Variants in NOL4 observed in about 807,000 individuals in gnomAD.
NOL4 encodes the protein nucleolar protein 4, also known as cancer/testis antigen 125.
Under a neutral mutation model 75.9 loss-of-function variants are expected in NOL4, and 17 were observed. The observed-to-expected ratio is 0.22, with a 90% CI of 0.15 to 0.34. The LOEUF (loss-of-function observed/expected upper bound fraction) is 0.34. Among genes scored for constraint, NOL4 ranks in the 10% least tolerant of loss-of-function variants. The probability of loss-of-function intolerance (pLI) is 1.00; values close to 1 mark genes in which losing one functional copy is unlikely to be tolerated. For missense variants in NOL4, 614 were observed against 793.5 expected (o/e 0.77, Z 2.72); for synonymous variants, 292 against 289.9 (o/e 1.01, Z -0.07).
intron 9 of NOL4, among the ~76,000 whole-genome samples, chr18:33,921,610 C>CA (rs1599873836): frequency 6.6e-6 from 1 of 152,072 alleles, no homozygotes; most frequent in East Asian, 1.9e-4. Flanking sequence ...ATTTTGCTGC[C>CA]AAAAACCAAG....
intron 6 of NOL4, among the ~76,000 whole-genome samples, chr18:33,980,993 G>A (rs1419519911): frequency 6.6e-6 from 1 of 151,946 alleles, no homozygotes; most frequent in East Asian, 1.9e-4. Context: ...CATAGAGATA[G>A]AAATTCTGGG....
intron 1 of NOL4, among the ~76,000 whole-genome samples, chr18:34,133,728 C>A (rs976633272): frequency 6.6e-6 from 1 of 152,020 alleles, no homozygotes; most frequent in African/African-American, 2.4e-5. Context: ...CCAAAAAGGT[C>A]AAATAAGAAA....
chr18:33,988,578 C>T (rs562039702), intron 6 of NOL4, among the ~76,000 whole-genome samples: 19 of 152,122 alleles, frequency 1.2e-4, no homozygotes, highest in African/African-American at 4.6e-4. Context: ...AGCATTCCCC[C>T]ACTGATTACT....
At chr18:34,165,128 T>C (rs1185621564) in intron 1 of NOL4, among the ~76,000 whole-genome samples, 3 of 150,146 alleles carry the variant, frequency 2.0e-5, no homozygotes, top group Admixed American at 6.6e-5. Flanking sequence ...CATTAGGAGA[T>C]ATACCTAATG....
intron 9 of NOL4, among the ~76,000 whole-genome samples, chr18:33,908,884 T>G (rs988410898): frequency 2.6e-5 from 4 of 152,150 alleles, no homozygotes; most frequent in Non-Finnish European, 4.4e-5. Flanking sequence ...TCTTTGTTAA[T>G]ATTCCCTTGT....
chr18:33,980,960 C>T (rs1028283458), intron 6 of NOL4, among the ~76,000 whole-genome samples: 1 of 151,612 alleles, frequency 6.6e-6, no homozygotes, highest in Non-Finnish European at 1.5e-5. Flanking sequence ...AGACAACATA[C>T]AATAACTGAT....
At chr18:34,160,129 C>A (rs1183232448) in intron 1 of NOL4, among the ~76,000 whole-genome samples, 1 of 152,090 alleles carries the variant, frequency 6.6e-6, no homozygotes, top group South Asian at 2.1e-4. Flanking sequence ...GGGACTCTTG[C>A]CTCGCTTTCC....
Position 34,151,608 on chromosome 18 carries a change from G to A in NOL4, c.265-21588C>T, listed in dbSNP as rs75955263. On this transcript the variant is annotated intron_variant, in intron 1 of 10. Coordinates refer to ENST00000261592, the MANE Select transcript of NOL4 (RefSeq NM_003787.5). Reference sequence around the variant, plus strand: ...ATATTTAGGGCAGTGAAACTATTCTGTATGACACTATATGGGTAGATACAT... The same window carrying A: ...ATATTTAGGGCAGTGAAACTATTCTATATGACACTATATGGGTAGATACAT... Among the ~76,000 whole-genome samples, 75 of 151,908 alleles carry A rather than the reference G, an allele frequency of 4.9e-4. No individual in the cohort carries two copies. In the East Asian group the frequency reaches 0.014, roughly 29 times the overall value.
rs1020311722 is a variant in NOL4 at position 33,852,789 on chromosome 18, T to C, written c.*53A>G. 1.3e-5 allele frequency: 19 copies of C among 1,471,012 alleles called. No individual in the cohort carries two copies. The highest frequency in any genetic ancestry group is 2.0e-4 in the Middle Eastern group (1 of 5,086). The allele number at this position is 1,471,012 out of a possible 1,614,324, so 91.1% of individuals were successfully genotyped here. On this transcript the variant is annotated 3_prime_UTR_variant, in exon 11 of 11. Coordinates refer to ENST00000261592, the MANE Select transcript of NOL4 (RefSeq NM_003787.5). ...GTATCTCTGTTGGGAAATCAAAATG[T>C]CATTAGTGGAAACTGCAAATTTAGA...
At chr18:33,901,315 C>T (rs1599802932) in intron 9 of NOL4, among the ~76,000 whole-genome samples, 2 of 152,148 alleles carry the variant, frequency 1.3e-5, no homozygotes, top group South Asian at 2.1e-4. Context: ...TGGCAAAATG[C>T]TCATGAGTTA....
chr18:34,060,689 T>C (rs547758801), intron 5 of NOL4, among the ~76,000 whole-genome samples: 55 of 152,270 alleles, frequency 3.6e-4, no homozygotes, highest in African/African-American at 1.2e-3. Flanking sequence ...TCAATACTTG[T>C]TGTTTGAATT....
chr18:34,029,571 AATC>A (rs2075529516), intron 5 of NOL4, among the ~76,000 whole-genome samples: 1 of 152,042 alleles, frequency 6.6e-6, no homozygotes, highest in African/African-American at 2.4e-5. Context: ...CTGACTCCAT[AATC>A]TGTGGCCTTT....
At chr18:34,194,564 A>T (rs1600846581) in intron 1 of NOL4, among the ~76,000 whole-genome samples, 1 of 152,206 alleles carries the variant, frequency 6.6e-6, no homozygotes, top group Non-Finnish European at 1.5e-5. Context: ...TGGGAAAAAA[A>T]ATGTACCATT....
intron 10 of NOL4, among the ~76,000 whole-genome samples, chr18:33,863,946 C>T (rs1362309658): frequency 6.6e-6 from 1 of 152,198 alleles, no homozygotes; most frequent in Admixed American, 6.5e-5. Flanking sequence ...GACTTCTGTA[C>T]ACCAGCAGGT....
intron 1 of NOL4, among the ~76,000 whole-genome samples, chr18:34,191,739 C>T (rs944124167): frequency 2.6e-5 from 4 of 152,250 alleles, no homozygotes; most frequent in Admixed American, 2.6e-4. Flanking sequence ...AAATATCTAG[C>T]TTCCAGGGAA....
In NOL4 at chr18:33,852,442, T is replaced by C. The variant is rs916252580; in HGVS notation, c.*400A>G. On this transcript the variant is annotated 3_prime_UTR_variant, in exon 11 of 11. Transcript: ENST00000261592. ...AATTTGGCTTTTTTTTTTCTTTTTT[T>C]TTTTTTTGCCAGGTACTTCAGCTTT... The C allele has an allele frequency of 6.5e-6, 1 of 152,956 alleles. No individual in the cohort carries two copies. The highest frequency in any genetic ancestry group is 1.5e-5 in the Non-Finnish European group (1 of 68,834). The allele number at this position is 152,956 out of a possible 1,614,324, so 9.5% of individuals were successfully genotyped here.
At chr18:34,189,713 A>C (rs1024358036) in intron 1 of NOL4, among the ~76,000 whole-genome samples, 1 of 152,128 alleles carries the variant, frequency 6.6e-6, no homozygotes, top group African/African-American at 2.4e-5. Context: ...ATCTGAAAAA[A>C]TAATACTAAG....
intron 10 of NOL4, among the ~76,000 whole-genome samples, chr18:33,868,054 T>C (rs886657256): frequency 1.3e-5 from 2 of 151,828 alleles, no homozygotes; most frequent in African/African-American, 4.8e-5. Flanking sequence ...TTTTTTTTTT[T>C]TTTGAGAGAG....
At chr18:34,209,211 A>G (rs113351642) in intron 1 of NOL4, among the ~76,000 whole-genome samples, 1,585 of 151,728 alleles carry the variant, frequency 0.01, 35 homozygotes, top group African/African-American at 0.036. Context: ...AAAAAAAAAA[A>G]AAAGAAATAA....
Sources: gnomAD v4.1 joint callset for allele counts (sites outside exome capture counted in the v4.1 genomes callset) on GRCh38, gnomAD v4.1.1 for gene constraint, MANE v1.5 for transcripts, NCBI Gene and HGNC (gene_info 2026-07-23, HGNC 2026-07-21) for gene names.